CCDC6: variants seen among roughly 807,000 people sequenced by gnomAD.
The protein encoded by CCDC6 is coiled-coil domain containing 6.
In CCDC6, 20 loss-of-function variants were observed where a neutral mutation model predicts 56.6. The ratio of observed to expected loss-of-function variants is 0.35; its 90% CI spans 0.25 to 0.51. CCDC6 has a LOEUF of 0.51. Ranked by LOEUF, CCDC6 falls within the 20% of genes least tolerant of loss-of-function variation. The pLI is 0.95. For synonymous variants in CCDC6, 241 were observed against 234.4 expected, an observed-to-expected ratio of 1.03 and a Z score of -0.26; for missense variants, 367 against 601.1, an observed-to-expected ratio of 0.61 and a Z score of 4.07.
chr10:59,841,758 C>T (rs1000409797), intron 2 of CCDC6, among the ~76,000 whole-genome samples: 4 of 151,742 alleles, frequency 2.6e-5, no homozygotes, highest in African/African-American at 9.7e-5. Flanking sequence ...AGCTCTGCCT[C>T]CTGGGTTCAG....
At chr10:59,877,647 C>T (rs1400497102) in intron 1 of CCDC6, among the ~76,000 whole-genome samples, 1 of 152,152 alleles carries the variant, frequency 6.6e-6, no homozygotes, top group Non-Finnish European at 1.5e-5. Flanking sequence ...TCTAAATTAT[C>T]CCTCTCTTCT....
intron 7 of CCDC6, among the ~76,000 whole-genome samples, chr10:59,800,010 C>G (rs762803837): frequency 3.3e-5 from 5 of 152,166 alleles, no homozygotes; most frequent in African/African-American, 1.2e-4. Context: ...CTAAGCTGGT[C>G]GCTCTCTCCT....
chr10:59,903,343 T>C lies in CCDC6; in HGVS notation c.303+2779A>G, dbSNP rs887967769. The stretch of plus-strand genomic sequence containing the variant: ...TCACTGACTATAACAAATGGACCAC[T>C]ATGATGAAAGATGTTGATGGTGGAG... On this transcript the variant is annotated intron_variant, in intron 1 of 8. Coordinates refer to ENST00000263102, the MANE Select transcript of CCDC6 (RefSeq NM_005436.5). Among the ~76,000 whole-genome samples, 3 of 152,192 alleles carry C rather than the reference T, an allele frequency of 2.0e-5. 1 individual carries two copies. Among genetic ancestry groups the C allele is most frequent in the Non-Finnish European group, 4.4e-5 (3 of 68,044 alleles).
intron 1 of CCDC6, among the ~76,000 whole-genome samples, chr10:59,897,799 C>A (rs2071474983): frequency 6.6e-6 from 1 of 152,144 alleles, no homozygotes; most frequent in Admixed American, 6.5e-5. Flanking sequence ...CACCCATAAT[C>A]CCTGCTGCTT....
intron 3 of CCDC6, among the ~76,000 whole-genome samples, chr10:59,821,498 G>C (rs532487645): frequency 1.3e-5 from 2 of 152,280 alleles, no homozygotes; most frequent in Admixed American, 1.3e-4. Flanking sequence ...AAAACAAGTA[G>C]TCAGTCTGTG....
rs149127464 is a variant in CCDC6, at chr10:59,838,956, T to C, written c.454-6303A>G. Among the ~76,000 whole-genome samples the C allele has an allele frequency of 4.4e-3, 666 of 152,348 alleles. 3 individuals carry two copies. The highest frequency in any genetic ancestry group is 0.015 in the African/African-American group (615 of 41,586). The stretch of plus-strand genomic sequence containing the variant: ...TTAAGGGGTGAGAAGCACATTGTCA[T>C]TCAAGTGCATTTTGATGTCCATTTC... On this transcript the variant is annotated intron_variant, in intron 2 of 8. Coordinates refer to ENST00000263102, the MANE Select transcript of CCDC6 (RefSeq NM_005436.5).
At chr10:59,795,512 G>A (rs1035143670) in intron 7 of CCDC6, among the ~76,000 whole-genome samples, 4 of 151,374 alleles carry the variant, frequency 2.6e-5, no homozygotes, top group African/African-American at 7.3e-5. Flanking sequence ...TAGGGTACAT[G>A]TGCACAATGT....
chr10:59,881,799 G>A (rs2071337346), intron 1 of CCDC6, among the ~76,000 whole-genome samples: 1 of 152,170 alleles, frequency 6.6e-6, no homozygotes, highest in African/African-American at 2.4e-5. Context: ...TCTTGTGAGA[G>A]TCCCCATGAA....
intron 5 of CCDC6, among the ~76,000 whole-genome samples, chr10:59,810,262 C>T (rs1426860657): frequency 6.6e-6 from 1 of 152,204 alleles, no homozygotes; most frequent in African/African-American, 2.4e-5. Context: ...GTCACTAACA[C>T]ATCCTTTAGG....
At chr10:59,887,462 T>G in intron 1 of CCDC6, among the ~76,000 whole-genome samples, 1 of 141,268 alleles carries the variant, frequency 7.1e-6, no homozygotes. Flanking sequence ...ACCCACACAA[T>G]GGCTTACCAT....
intron 1 of CCDC6, among the ~76,000 whole-genome samples, chr10:59,852,932 G>A (rs1049307553): frequency 6.6e-6 from 1 of 152,128 alleles, no homozygotes; most frequent in Admixed American, 6.6e-5. Context: ...ACTATGTGTG[G>A]TCCTTATTCT....
rs543258326 is a variant in CCDC6 at position 59,903,311 on chromosome 10, C to T, written c.303+2811G>A. Among the ~76,000 whole-genome samples, 7 of 152,230 alleles carry T rather than the reference C, an allele frequency of 4.6e-5. No individual in the cohort carries two copies. The South Asian group carries it at 6.2e-4, about 14-fold the overall frequency. On this transcript the variant is annotated intron_variant, in intron 1 of 8. Transcript: ENST00000263102. ...ACTTTGGGTGATAATGATGTATCAACGTAGGTTCACTGACTATAACAAATG... is the reference window on the plus strand; with the variant it reads ...ACTTTGGGTGATAATGATGTATCAATGTAGGTTCACTGACTATAACAAATG...
intron 1 of CCDC6, among the ~76,000 whole-genome samples, chr10:59,871,853 A>G (rs1389216599): frequency 6.6e-6 from 1 of 152,166 alleles, no homozygotes; most frequent in Non-Finnish European, 1.5e-5. Context: ...GCTAATTGGC[A>G]AAAGAAAAAA....
chr10:59,836,052 T>TTTAAA (rs777308614), intron 2 of CCDC6, among the ~76,000 whole-genome samples: 1 of 57,596 alleles, frequency 1.7e-5, no homozygotes, highest in African/African-American at 6.6e-5. Context: ...CGACCCTGTC[T>TTTAAA]AAAAAAAAAA....
At chr10:59,853,009 A>C (rs775397125) in intron 1 of CCDC6, among the ~76,000 whole-genome samples, 1 of 152,226 alleles carries the variant, frequency 6.6e-6, no homozygotes, top group Non-Finnish European at 1.5e-5. Flanking sequence ...TCCCAAATCA[A>C]TAACCAGAAT....
At chr10:59,883,397 G>A (rs553564082) in intron 1 of CCDC6, among the ~76,000 whole-genome samples, 2 of 152,152 alleles carry the variant, frequency 1.3e-5, no homozygotes, top group African/African-American at 4.8e-5. Flanking sequence ...AAACTAAGAC[G>A]TACTCCGATG....
intron 6 of CCDC6, chr10:59,806,663 C>G (rs559648819): frequency 8.8e-5 from 35 of 398,366 alleles, no homozygotes; most frequent in African/African-American, 6.6e-4. Flanking sequence ...TGCTGCTTCT[C>G]TAATATAACC....
At chr10:59,902,896 A>T (rs1321676088) in intron 1 of CCDC6, among the ~76,000 whole-genome samples, 1 of 152,240 alleles carries the variant, frequency 6.6e-6, no homozygotes, top group Non-Finnish European at 1.5e-5. Context: ...CAGCAGCTTT[A>T]TTCATAATTG....
chr10:59,836,148 T>C (rs948736290), intron 2 of CCDC6, among the ~76,000 whole-genome samples: 11 of 149,144 alleles, frequency 7.4e-5, no homozygotes, highest in African/African-American at 2.5e-4. Context: ...GAGCAAGAGG[T>C]AGGAGGCAAA....
Sources: allele counts gnomAD v4.1 joint callset (sites outside exome capture counted in the v4.1 genomes callset), GRCh38; gene constraint gnomAD v4.1.1; transcripts MANE v1.5; gene names NCBI Gene and HGNC (gene_info 2026-07-23, HGNC 2026-07-21).